Variants in SUCLG2 observed in about 807,000 individuals in gnomAD.
SUCLG2 encodes succinate--CoA ligase [GDP-forming] subunit beta, mitochondrial.
In SUCLG2, 42 loss-of-function variants were observed where a neutral mutation model predicts 47.9. That is an observed-to-expected ratio of 0.88 (90% CI 0.69 to 1.14). SUCLG2 has a LOEUF of 1.14. Among genes scored for constraint, SUCLG2 ranks in the 50% most tolerant of loss-of-function variants. The pLI is 0.00. For synonymous variants in SUCLG2, 195 were observed against 197.3 expected (o/e 0.99, Z 0.10); for missense variants, 571 against 525.9 (o/e 1.09, Z -0.84).
chr3:67,605,633 C>A (rs1242913833), intron 2 of SUCLG2, among the ~76,000 whole-genome samples: 1 of 152,014 alleles, frequency 6.6e-6, no homozygotes, highest in Non-Finnish European at 1.5e-5. Context: ...CCTTAAGGAG[C>A]ATCATAGATA....
chr3:67,403,898 T>G (rs537461537), intron 9 of SUCLG2, among the ~76,000 whole-genome samples: 21 of 152,332 alleles, frequency 1.4e-4, no homozygotes, highest in African/African-American at 4.3e-4. Context: ...TATTTATTTA[T>G]TTTTTGAGAC....
At chr3:67,627,639 G>A (rs1359272628) in intron 1 of SUCLG2, among the ~76,000 whole-genome samples, 1 of 152,170 alleles carries the variant, frequency 6.6e-6, no homozygotes. Flanking sequence ...TGCCCATATG[G>A]GGCACACTAT....
At chr3:67,469,324 C>T (rs1171436792) in intron 9 of SUCLG2, among the ~76,000 whole-genome samples, 1 of 152,176 alleles carries the variant, frequency 6.6e-6, no homozygotes, top group South Asian at 2.1e-4. Context: ...AGTGGGGAAC[C>T]TAACTGGACA....
intron 7 of SUCLG2, among the ~76,000 whole-genome samples, chr3:67,500,631 A>G (rs943300481): frequency 2.6e-5 from 4 of 152,186 alleles, no homozygotes; most frequent in Non-Finnish European, 5.9e-5. Flanking sequence ...TGACTGGTAT[A>G]ATAATCAATA....
At chr3:67,392,288 C>T (rs1339158054) in intron 10 of SUCLG2, among the ~76,000 whole-genome samples, 3 of 152,184 alleles carry the variant, frequency 2.0e-5, no homozygotes. Flanking sequence ...CCCCTTGCTC[C>T]TTCCTCCTGG....
intron 2 of SUCLG2, among the ~76,000 whole-genome samples, chr3:67,607,438 A>AT (rs1700439576): frequency 2.0e-5 from 3 of 151,612 alleles, no homozygotes; most frequent in Admixed American, 6.6e-5. Flanking sequence ...CCTTTTTTTC[A>AT]TTTTTTTAAT....
downstream of SUCLG2, among the ~76,000 whole-genome samples, chr3:67,372,289 C>T (rs114578024): frequency 0.044 from 6,691 of 152,226 alleles, 218 homozygotes; most frequent in Non-Finnish European, 0.064. Context: ...CCATTAACTA[C>T]GAAACTCAAG....
Position 67,596,533 on chromosome 3 carries a change from C to G in SUCLG2, c.226+12922G>C, listed in dbSNP as rs181533152. ...CAGCATTTACAGTGGAATAGGCATC[C>G]CTTTTCCCTGCGTGCCATGACATCT... On this transcript the variant is annotated intron_variant, in intron 2 of 10. Transcript: ENST00000307227. 4.0e-4 allele frequency among the ~76,000 whole-genome samples: 61 copies of G among 152,262 alleles called. 1 individual carries two copies. Among genetic ancestry groups the G allele is most frequent in the Middle Eastern group, 3.4e-3 (1 of 294 alleles).
chr3:67,628,902 T>C (rs9857985), intron 1 of SUCLG2, among the ~76,000 whole-genome samples: 47 of 152,274 alleles, frequency 3.1e-4, no homozygotes, highest in African/African-American at 9.6e-4. Context: ...AACTGCTCCA[T>C]GTTAACACAG....
intron 10 of SUCLG2, among the ~76,000 whole-genome samples, chr3:67,397,835 C>T (rs562131632): frequency 6.6e-6 from 1 of 151,820 alleles, no homozygotes; most frequent in African/African-American, 2.4e-5. Flanking sequence ...TAGATCAATG[C>T]AACAGAACAG....
intron 2 of SUCLG2, among the ~76,000 whole-genome samples, chr3:67,549,285 C>G (rs1706948778): frequency 1.3e-5 from 2 of 152,180 alleles, no homozygotes; most frequent in East Asian, 3.9e-4. Context: ...AAACGACTAT[C>G]TTTAACCAAA....
chr3:67,605,261 T>A (rs907826222), intron 2 of SUCLG2, among the ~76,000 whole-genome samples: 1 of 152,222 alleles, frequency 6.6e-6, no homozygotes, highest in Non-Finnish European at 1.5e-5. Context: ...TCAATCGTGC[T>A]CTTGGTTCTG....
intron 9 of SUCLG2, among the ~76,000 whole-genome samples, chr3:67,464,335 T>TACAA (rs1704416123): frequency 3.9e-5 from 6 of 152,280 alleles, no homozygotes; most frequent in African/African-American, 1.4e-4. Flanking sequence ...CTCATGGGTG[T>TACAA]GCAATTTTAC....
At chr3:67,652,301 A>G (rs1205391641) in intron 1 of SUCLG2, among the ~76,000 whole-genome samples, 1 of 152,200 alleles carries the variant, frequency 6.6e-6, no homozygotes, top group African/African-American at 2.4e-5. Flanking sequence ...TCTAAGCAGA[A>G]ACTGGGTCTT....
chr3:67,618,322 G>A (rs1033889490), intron 1 of SUCLG2, among the ~76,000 whole-genome samples: 1 of 152,126 alleles, frequency 6.6e-6, no homozygotes, highest in African/African-American at 2.4e-5. Flanking sequence ...GGGAGGCGGG[G>A]ACAGGAAAAT....
chr3:67,552,172 CAAAAA>C (rs55687048), intron 2 of SUCLG2, among the ~76,000 whole-genome samples: 2 of 75,490 alleles, frequency 2.6e-5, no homozygotes, highest in Non-Finnish European at 6.4e-5. Flanking sequence ...AACTCCATCT[CAAAAA>C]AAAAAAAAAA....
chr3:67,405,966 T>C (rs1702796842), intron 9 of SUCLG2, among the ~76,000 whole-genome samples: 1 of 152,140 alleles, frequency 6.6e-6, no homozygotes, highest in Non-Finnish European at 1.5e-5. Flanking sequence ...GGTTACAGCT[T>C]TATCTACTGT....
At chr3:67,541,964 G>T (rs568658396) in intron 2 of SUCLG2, among the ~76,000 whole-genome samples, 1 of 151,992 alleles carries the variant, frequency 6.6e-6, no homozygotes, top group South Asian at 2.1e-4. Flanking sequence ...CTCCTCCTGG[G>T]TTCAAGCAGT....
intron 9 of SUCLG2, among the ~76,000 whole-genome samples, chr3:67,477,814 A>G (rs1304022772): frequency 6.6e-6 from 1 of 152,222 alleles, no homozygotes; most frequent in East Asian, 1.9e-4. Flanking sequence ...CTCAAAGAGC[A>G]GCAGAAATAT....
Sources: gnomAD v4.1 joint callset for allele counts (sites outside exome capture counted in the v4.1 genomes callset) on GRCh38, gnomAD v4.1.1 for gene constraint, MANE v1.5 for transcripts, NCBI Gene and HGNC (gene_info 2026-07-23, HGNC 2026-07-21) for gene names.